Variants in MANSC1 observed in about 807,000 individuals in gnomAD.
The protein encoded by MANSC1 is MANSC domain containing 1, also known as MANSC domain-containing protein 1.
Under a neutral mutation model 14.1 loss-of-function variants are expected in MANSC1, and 13 were observed. The observed-to-expected ratio is 0.92, with a 90% CI of 0.60 to 1.46. MANSC1 has a LOEUF of 1.46. MANSC1 is among the 40% of genes most tolerant of loss of function. The pLI is 0.00. For missense variants in MANSC1, 486 were observed against 511.4 expected (o/e 0.95, Z 0.48); for synonymous variants, 227 against 200.7 (o/e 1.13, Z -1.11).
chr12:12,335,542 T>C (rs919844835), intron 3 of MANSC1, among the ~76,000 whole-genome samples: 1 of 150,640 alleles, frequency 6.6e-6, no homozygotes, highest in African/African-American at 2.4e-5. Context: ...GGTTTCACCA[T>C]GTTGGCCAGG....
chr12:12,338,890 AACACACACAC>A (rs56183211), intron 2 of MANSC1: 4 of 193,016 alleles, frequency 2.1e-5, no homozygotes, highest in South Asian at 8.3e-5. Context: ...CACACACACA[AACACACACAC>A]ACACACACAC....
rs371572304 is a variant in MANSC1 at position 12,343,153 on chromosome 12, G to A, written c.162C>T (p.Pro54=). The change falls in exon 2 of 4, where the codon CCC becomes CCT. Residue 54 remains proline (P), a synonymous_variant. Coordinates refer to ENST00000535902, the MANE Select transcript of MANSC1 (RefSeq NM_018050.4). ...SLSKGIRGNE[P]VYTSTQEDCI... ...AGTCTTCTTGAGTTGAAGTATATAC[G>A]GGCTCATTGCCTCTGATTCCCTTAG... 12 of 1,613,746 alleles carry A rather than the reference G, an allele frequency of 7.4e-6. No homozygotes were observed. The highest frequency in any genetic ancestry group is 6.6e-5 in the South Asian group (6 of 91,080).
chr12:12,332,459 A>C (rs1358572081), intron 3 of MANSC1, among the ~76,000 whole-genome samples: 2 of 152,220 alleles, frequency 1.3e-5, no homozygotes, highest in African/African-American at 4.8e-5. Context: ...CCTGATGGAC[A>C]AATCTGGCCT....
rs1862725615 is a variant in MANSC1 at position 12,327,752 on chromosome 12, G to A, written c.*2275C>T. On this transcript the variant is annotated 3_prime_UTR_variant, in exon 4 of 4. Coordinates refer to ENST00000535902, the MANE Select transcript of MANSC1 (RefSeq NM_018050.4). The stretch of plus-strand genomic sequence containing the variant: ...ACTTAAAGCTTATGTAAACCCCTTG[G>A]AGATTTGTGTCAAGCTGTTAAGTTG... The A allele has an allele frequency of 6.6e-6, 1 of 152,124 alleles. No individual in the cohort carries two copies. The highest frequency in any genetic ancestry group is 1.5e-5 in the Non-Finnish European group (1 of 68,040). 9.4% of individuals were successfully genotyped at this position (152,124 alleles called of 1,614,324 possible).
At position 12,346,100 on chromosome 12, in the gene MANSC1, C is replaced by T. The variant is rs548296864; in HGVS notation, c.-100-2686G>A. Reference sequence around the variant, plus strand: ...CATCCTGGCTAACACGGTGAAACCCCGTCTCTACTAAAAATACAAAAAGTT... The same window carrying T: ...CATCCTGGCTAACACGGTGAAACCCTGTCTCTACTAAAAATACAAAAAGTT... On this transcript the variant is annotated intron_variant, in intron 1 of 3. Transcript: ENST00000535902. 1.9e-4 allele frequency among the ~76,000 whole-genome samples: 29 copies of T among 152,214 alleles called. No homozygotes were observed. In the East Asian group the frequency reaches 2.3e-3, roughly 12 times the overall value.
At chr12:12,336,095 G>A (rs759440472) in intron 3 of MANSC1, among the ~76,000 whole-genome samples, 13 of 152,012 alleles carry the variant, frequency 8.6e-5, no homozygotes, top group Non-Finnish European at 1.8e-4. Flanking sequence ...CTGAGATCGC[G>A]CCACTGCACT....
rs143385157 is a variant in MANSC1, at chr12:12,339,473, G to C, written c.224-913C>G. On this transcript the variant is annotated intron_variant, in intron 2 of 3. Coordinates refer to ENST00000535902, the MANE Select transcript of MANSC1 (RefSeq NM_018050.4). ...TGTAGAGATGGAGTCTCTCTATATT[G>C]CCCAGGCTAGTCTTGAACTCCTGGG... 4.8e-3 allele frequency among the ~76,000 whole-genome samples: 737 copies of C among 152,088 alleles called. 9 individuals are homozygous for C. Among genetic ancestry groups the C allele is most frequent in the African/African-American group, 0.016 (680 of 41,512 alleles).
At chr12:12,345,251 T>G (rs867342579) in intron 1 of MANSC1, among the ~76,000 whole-genome samples, 1 of 141,230 alleles carries the variant, frequency 7.1e-6, no homozygotes, top group Admixed American at 7.6e-5. Context: ...ACCCGGGAAG[T>G]GGAGGTTGCA....
At chr12:12,338,890 A>AC (rs1555141160) in intron 2 of MANSC1, 18 of 193,000 alleles carry the variant, frequency 9.3e-5, no homozygotes, top group South Asian at 1.7e-4. Context: ...CACACACACA[A>AC]ACACACACAC....
Position 12,330,461 on chromosome 12 carries a change from TA to T in MANSC1, c.861del (p.Phe287LeufsTer17). The T allele has an allele frequency of 6.2e-7, 1 of 1,614,106 alleles. No homozygotes were observed. Among genetic ancestry groups the T allele is most frequent in the Non-Finnish European group, 8.5e-7 (1 of 1,180,010 alleles). The part of the protein sequence containing the change: ...QPPTTLISTV[F>X]TRAAATLQAM... ...GCTTGGAGTGTAGCCGCAGCCCGTG[TA>T]AAAACTGTAGAAATGAGGGTCGTGG... On this transcript the variant is annotated frameshift_variant, in exon 4 of 4. Coordinates refer to ENST00000535902, the MANE Select transcript of MANSC1 (RefSeq NM_018050.4). LOFTEE classifies it low-confidence loss of function (END_TRUNC).
At chr12:12,349,103 A>G (rs1483317285) in intron 1 of MANSC1, among the ~76,000 whole-genome samples, 1 of 152,256 alleles carries the variant, frequency 6.6e-6, no homozygotes, top group Admixed American at 6.5e-5. Context: ...AATCATAGCT[A>G]CTGCTAATAC....
chr12:12,342,748 C>A (rs1862953592), intron 2 of MANSC1, among the ~76,000 whole-genome samples: 1 of 152,074 alleles, frequency 6.6e-6, no homozygotes, highest in Non-Finnish European at 1.5e-5. Flanking sequence ...TTTACATTTT[C>A]TTTGTAATAT....
chr12:12,348,413 G>A (rs1213255980), intron 1 of MANSC1, among the ~76,000 whole-genome samples: 2 of 152,182 alleles, frequency 1.3e-5, no homozygotes, highest in Non-Finnish European at 2.9e-5. Context: ...AGACATGGAG[G>A]AATCTTAACT....
intron 1 of MANSC1, among the ~76,000 whole-genome samples, chr12:12,346,449 C>T (rs916693185): frequency 6.6e-6 from 1 of 152,162 alleles, no homozygotes; most frequent in African/African-American, 2.4e-5. Flanking sequence ...ACTGATACTA[C>T]CTGACTTCAA....
In MANSC1 at chr12:12,330,633, C is replaced by CA; in HGVS notation, c.689dup (p.Ala231GlyfsTer107). On this transcript the variant is annotated frameshift_variant, in exon 4 of 4. Coordinates refer to ENST00000535902, the MANE Select transcript of MANSC1 (RefSeq NM_018050.4). LOFTEE classifies it low-confidence loss of function (END_TRUNC). ...AGGTGGTATGTGGAGAAGCAACTGC[C>CA]ACCGTAGCTGGGAGCGCACTCACAT... 6.2e-7 allele frequency: 1 copy of CA among 1,614,148 alleles called. No individual in the cohort carries two copies. The highest frequency in any genetic ancestry group is 1.1e-5 in the South Asian group (1 of 91,092).
Position 12,330,036 on chromosome 12 carries a change from C to T in MANSC1, c.1287G>A (p.Val429=). The change falls in exon 4 of 4, where the codon GTG becomes GTA. Residue 429 remains valine, a synonymous_variant. Coordinates refer to ENST00000535902, the MANE Select transcript of MANSC1 (RefSeq NM_018050.4). ...RLDYLINGIY[V]DI Reference sequence around the variant, plus strand: ...ACACCGAGTTCCATCCTTAGATGTCCACATAGATCCCATTGATCAAATAAT... The same window carrying T: ...ACACCGAGTTCCATCCTTAGATGTCTACATAGATCCCATTGATCAAATAAT... 1 of 1,612,952 alleles carries T rather than the reference C, an allele frequency of 6.2e-7. No individual in the cohort carries two copies. The highest frequency in any genetic ancestry group is 8.5e-7 in the Non-Finnish European group (1 of 1,179,358).
rs1862728075 is a variant in MANSC1, at chr12:12,327,991, T to A, written c.*2036A>T. On this transcript the variant is annotated 3_prime_UTR_variant, in exon 4 of 4. Transcript: ENST00000535902. ...ATTGCTGTACTTATTAACCAGCTAC[T>A]GCCCTCTAGTGCTCACTGTATTAAG... 1 of 152,180 alleles carries A rather than the reference T, an allele frequency of 6.6e-6. No homozygotes were observed. The allele number at this position is 152,180 out of a possible 1,614,324, so 9.4% of individuals were successfully genotyped here. A position where few individuals can be genotyped will look rare whatever the true frequency, so the allele number is the denominator to read the frequency against.
chr12:12,347,676 T>C (rs1863026339), intron 1 of MANSC1, among the ~76,000 whole-genome samples: 1 of 152,156 alleles, frequency 6.6e-6, no homozygotes, highest in African/African-American at 2.4e-5. Flanking sequence ...CATTAGGGGA[T>C]TGCAAATTCA....
chr12:12,343,088 T>C lies in MANSC1; in HGVS notation c.223+4A>G. The C allele has an allele frequency of 6.2e-7, 1 of 1,605,922 alleles. No individual in the cohort carries two copies. Among genetic ancestry groups the C allele is most frequent in the Non-Finnish European group, 8.5e-7 (1 of 1,172,826 alleles). Reference sequence around the variant, plus strand: ...CAAAGGATTGCCAAGAAACCACTATTTACCTGATATGTTTTTTGTTGAACA... The same window carrying C: ...CAAAGGATTGCCAAGAAACCACTATCTACCTGATATGTTTTTTGTTGAACA... On this transcript the variant is annotated splice_donor_region_variant and intron_variant, in intron 2 of 3. Coordinates refer to ENST00000535902, the MANE Select transcript of MANSC1 (RefSeq NM_018050.4).
Sources: gnomAD v4.1 joint callset for allele counts (sites outside exome capture counted in the v4.1 genomes callset) on GRCh38, gnomAD v4.1.1 for gene constraint, MANE v1.5 for transcripts, NCBI Gene and HGNC (gene_info 2026-07-23, HGNC 2026-07-21) for gene names.